Variants in ENAH observed in about 807,000 individuals in gnomAD.
ENAH encodes protein enabled homolog.
ENAH carries 23 observed loss-of-function variants against 78.7 expected under a neutral mutation model. The ratio of observed to expected loss-of-function variants is 0.29; its 90% CI spans 0.21 to 0.41. The LOEUF (loss-of-function observed/expected upper bound fraction) is 0.41, where lower values mean the gene tolerates loss of function less well. ENAH is among the 10% of genes least tolerant of loss of function. ENAH has a pLI of 1.00. For synonymous variants in ENAH, 226 were observed against 241.0 expected (o/e 0.94, Z 0.58); for missense variants, 544 against 691.0 (o/e 0.79, Z 2.39).
At chr1:225,615,753 G>A (rs1200417728) in intron 1 of ENAH, among the ~76,000 whole-genome samples, 1 of 151,720 alleles carries the variant, frequency 6.6e-6, no homozygotes, top group African/African-American at 2.4e-5. Context: ...TGGGAGGTGA[G>A]GAGCGTCTCT....
intron 4 of ENAH, among the ~76,000 whole-genome samples, chr1:225,519,916 T>G (rs1178407331): frequency 1.3e-5 from 2 of 152,248 alleles, no homozygotes; most frequent in Non-Finnish European, 2.9e-5. Flanking sequence ...CATTTGTAAT[T>G]GTAATATCCT....
At chr1:225,574,592 A>T (rs1435410135) in intron 1 of ENAH, among the ~76,000 whole-genome samples, 2 of 150,364 alleles carry the variant, frequency 1.3e-5, no homozygotes, top group African/African-American at 4.9e-5. Flanking sequence ...ACAAAGTGAG[A>T]CTCTGTCTCC....
At chr1:225,540,375 T>C (rs2096583331) in intron 3 of ENAH, among the ~76,000 whole-genome samples, 1 of 152,234 alleles carries the variant, frequency 6.6e-6, no homozygotes. Context: ...TAGGTGTTTT[T>C]ACTCTTTATA....
At chr1:225,646,135 A>G (rs948747684) in intron 1 of ENAH, among the ~76,000 whole-genome samples, 1 of 149,830 alleles carries the variant, frequency 6.7e-6, no homozygotes, top group African/African-American at 2.5e-5. Context: ...AATATTAAAC[A>G]AATTATTTTC....
rs2096256138 is a variant in ENAH, at chr1:225,497,693, G to C, written c.*82C>G. ...TTTCTTCTTACAGCTCATAAATGTA[G>C]GGGTTTGCTGTTGTGAACAGTTGTT... On this transcript the variant is annotated 3_prime_UTR_variant, in exon 14 of 14. Coordinates refer to ENST00000366843, the MANE Select transcript of ENAH (RefSeq NM_018212.6). 1 of 1,376,240 alleles carries C rather than the reference G, an allele frequency of 7.3e-7. No individual in the cohort carries two copies. Among genetic ancestry groups the C allele is most frequent in the East Asian group, 2.3e-5 (1 of 43,226 alleles). The allele number at this position is 1,376,240 out of a possible 1,614,324, so 85.3% of individuals were successfully genotyped here. A position where few individuals can be genotyped will look rare whatever the true frequency, so the allele number is the denominator to read the frequency against.
intron 1 of ENAH, among the ~76,000 whole-genome samples, chr1:225,629,638 G>A (rs1163773147): frequency 1.3e-5 from 2 of 151,478 alleles, no homozygotes; most frequent in Non-Finnish European, 2.9e-5. Flanking sequence ...AGGAAAGTAA[G>A]CTCCTTAAGG....
At chr1:225,554,215 T>C (rs1056648786) in intron 3 of ENAH, among the ~76,000 whole-genome samples, 1 of 152,218 alleles carries the variant, frequency 6.6e-6, no homozygotes, top group Non-Finnish European at 1.5e-5. Context: ...ATTTCCTGAT[T>C]ATAAAATCTC....
At chr1:225,599,821 AG>A (rs1354080642) in intron 1 of ENAH, among the ~76,000 whole-genome samples, 1 of 148,334 alleles carries the variant, frequency 6.7e-6, no homozygotes, top group Non-Finnish European at 1.5e-5. Flanking sequence ...AAAAAAAAAA[AG>A]TGACCCCCTT....
chr1:225,561,504 C>T (rs1393092901), intron 2 of ENAH, among the ~76,000 whole-genome samples: 1 of 151,356 alleles, frequency 6.6e-6, no homozygotes, highest in Non-Finnish European at 1.5e-5. Context: ...TGCCTGTAAT[C>T]CCAGCTGCTT....
intron 2 of ENAH, among the ~76,000 whole-genome samples, chr1:225,560,017 C>G (rs2096692439): frequency 6.6e-6 from 1 of 152,212 alleles, no homozygotes; most frequent in South Asian, 2.1e-4. Flanking sequence ...CCCAGAAAGT[C>G]TGCTCTGTAA....
intron 3 of ENAH, among the ~76,000 whole-genome samples, chr1:225,552,134 C>CTAT (rs2096643687): frequency 8.6e-6 from 1 of 115,966 alleles, no homozygotes; most frequent in African/African-American, 3.3e-5. Flanking sequence ...ACTCCTGATT[C>CTAT]TTTTTTTTTT....
intron 1 of ENAH, among the ~76,000 whole-genome samples, chr1:225,588,801 C>CAAAAAAAAAAAAAAAAAAAAAAAAAAA: frequency 1.3e-5 from 1 of 78,430 alleles, no homozygotes; most frequent in Non-Finnish European, 2.5e-5. Flanking sequence ...AAGTCTGTGT[C>CAAAAAAAAAAAAAAAAAAAAAAAAAAA]AAAAAAAAAA....
In ENAH at chr1:225,492,699, T is replaced by C. The variant is rs1242326822; in HGVS notation, c.*5076A>G. ...GCTTTAAATGATACTAACACTTCCG[T>C]TTAGAAGGTTGTGTGCATCACAGAG... On this transcript the variant is annotated 3_prime_UTR_variant, in exon 14 of 14. Transcript: ENST00000366843. 1 of 152,174 alleles carries C rather than the reference T, an allele frequency of 6.6e-6. No individual in the cohort carries two copies. Among genetic ancestry groups the C allele is most frequent in the Non-Finnish European group, 1.5e-5 (1 of 68,034 alleles). The allele number at this position is 152,174 out of a possible 1,614,324, so 9.4% of individuals were successfully genotyped here. A position where few individuals can be genotyped will look rare whatever the true frequency, so the allele number is the denominator to read the frequency against.
chr1:225,540,469 G>A (rs2096583730), intron 3 of ENAH, among the ~76,000 whole-genome samples: 1 of 151,944 alleles, frequency 6.6e-6, no homozygotes, highest in Non-Finnish European at 1.5e-5. Context: ...AAATACAAAG[G>A]CATGAGGTTT....
Position 225,567,365 on chromosome 1 carries a change from C to T in ENAH, c.55G>A (p.Ala19Thr). 1 of 1,614,090 alleles carries T rather than the reference C, an allele frequency of 6.2e-7. No homozygotes were observed. Reference sequence around the variant, plus strand: ...CCAGCTGGCACCCACTTCTTATTGGCATCATCATAAACCATCACAGCAGCT... The same window carrying T: ...CCAGCTGGCACCCACTTCTTATTGGTATCATCATAAACCATCACAGCAGCT... ...ARAAVMVYDD[A>T]NKKWVPAGGS... Residue 19 changes from alanine to threonine, a missense_variant, in exon 2 of 14, where the codon GCC becomes ACC. Physicochemically the swap from Ala to Thr is moderately conservative, Grantham distance 58 (BLOSUM62 0). Transcript: ENST00000366843.
chr1:225,643,154 G>A (rs192620071), intron 1 of ENAH, among the ~76,000 whole-genome samples: 4 of 152,312 alleles, frequency 2.6e-5, no homozygotes, highest in Non-Finnish European at 5.9e-5. Context: ...ACAAATTTGG[G>A]TTTTAGTCTA....
intron 1 of ENAH, among the ~76,000 whole-genome samples, chr1:225,607,497 C>G (rs984067730): frequency 2.7e-5 from 4 of 146,264 alleles, no homozygotes; most frequent in African/African-American, 1.0e-4. Context: ...GTTCAGGAAT[C>G]CAGAGCAGGG....
chr1:225,588,012 C>T (rs1033446943), intron 1 of ENAH, among the ~76,000 whole-genome samples: 6 of 152,004 alleles, frequency 3.9e-5, no homozygotes, highest in African/African-American at 1.4e-4. Context: ...AAAAGCTAGA[C>T]CCATAAACTT....
chr1:225,518,407 C>CA (rs2096439043), intron 5 of ENAH, among the ~76,000 whole-genome samples: 1 of 152,078 alleles, frequency 6.6e-6, no homozygotes, highest in Non-Finnish European at 1.5e-5. Flanking sequence ...GCTGGCAAAA[C>CA]ATTTAATATG....
Sources: gnomAD v4.1 joint callset for allele counts (sites outside exome capture counted in the v4.1 genomes callset) on GRCh38, gnomAD v4.1.1 for gene constraint, MANE v1.5 for transcripts, NCBI Gene and HGNC (gene_info 2026-07-23, HGNC 2026-07-21) for gene names.